The following HTR1F variants were observed in gnomAD, a reference collection of about 807,000 sequenced individuals.
HTR1F encodes the protein 5-hydroxytryptamine receptor 1F.
In HTR1F, 17 loss-of-function variants were observed where a neutral mutation model predicts 24.0. The ratio of observed to expected loss-of-function variants is 0.71; its 90% CI spans 0.48 to 1.06. HTR1F has a LOEUF of 1.06. HTR1F is among the 50% of genes least tolerant of loss of function. The probability of loss-of-function intolerance (pLI) is 0.00; values close to 1 mark genes in which losing one functional copy is unlikely to be tolerated. For synonymous variants in HTR1F, 186 were observed against 156.8 expected (o/e 1.19, Z -1.39); for missense variants, 391 against 427.8 (o/e 0.91, Z 0.76).
At chr3:87,825,197 A>C (rs1487122920) in intron 2 of HTR1F, among the ~76,000 whole-genome samples, 1 of 152,362 alleles carries the variant, frequency 6.6e-6, no homozygotes, top group Non-Finnish European at 1.5e-5. Context: ...CTCTCCCATC[A>C]CAAGAGTAGT....
intron 2 of HTR1F, among the ~76,000 whole-genome samples, chr3:87,982,166 A>G (rs1035316761): frequency 1.6e-4 from 24 of 152,096 alleles, no homozygotes; most frequent in Non-Finnish European, 3.4e-4. Flanking sequence ...CAAGTGATCC[A>G]CCCACCTTGG....
In HTR1F at chr3:87,939,550, A is replaced by T. The variant is rs553599037; in HGVS notation, c.-42-51158A>T. 2.0e-5 allele frequency among the ~76,000 whole-genome samples: 3 copies of T among 152,256 alleles called. No individual in the cohort carries two copies. The South Asian group carries it at 6.2e-4, about 32-fold the overall frequency. ...CTATTAATTACTGCCTCAATTTCAGAACTTGATACTGGTCTGTTCAGGATT... is the reference window on the plus strand; with the variant it reads ...CTATTAATTACTGCCTCAATTTCAGTACTTGATACTGGTCTGTTCAGGATT... On this transcript the variant is annotated intron_variant, in intron 2 of 2. Coordinates refer to ENST00000319595, the MANE Select transcript of HTR1F (RefSeq NM_001322209.2).
intron 2 of HTR1F, among the ~76,000 whole-genome samples, chr3:87,897,395 A>G (rs1174629840): frequency 6.6e-6 from 1 of 152,086 alleles, no homozygotes; most frequent in Non-Finnish European, 1.5e-5. Flanking sequence ...TCCAAAAAAA[A>G]GGTCAAATAT....
At chr3:87,845,665 AATT>A (rs1267787981) in intron 2 of HTR1F, among the ~76,000 whole-genome samples, 1 of 151,690 alleles carries the variant, frequency 6.6e-6, no homozygotes, top group African/African-American at 2.4e-5. Flanking sequence ...TGCCCAAGGT[AATT>A]TACAGATTCA....
At chr3:87,917,061 C>A (rs1703909879) in intron 2 of HTR1F, among the ~76,000 whole-genome samples, 1 of 151,928 alleles carries the variant, frequency 6.6e-6, no homozygotes, top group African/African-American at 2.4e-5. Context: ...CCAAAAGGAA[C>A]CTCCAAAACC....
intron 2 of HTR1F, among the ~76,000 whole-genome samples, chr3:87,895,279 TTAAA>T (rs1331889919): frequency 6.6e-6 from 1 of 152,090 alleles, no homozygotes; most frequent in African/African-American, 2.4e-5. Flanking sequence ...TTTATACAGA[TTAAA>T]TACACATTTA....
chr3:87,985,521 A>G (rs1387225407), intron 2 of HTR1F, among the ~76,000 whole-genome samples: 1 of 152,228 alleles, frequency 6.6e-6, no homozygotes, highest in African/African-American at 2.4e-5. Context: ...TATCTTATCT[A>G]TGAAAAGAAA....
At chr3:87,943,675 G>C (rs1704626333) in intron 2 of HTR1F, among the ~76,000 whole-genome samples, 1 of 152,196 alleles carries the variant, frequency 6.6e-6, no homozygotes, top group South Asian at 2.1e-4. Context: ...GTCTCTTAAT[G>C]AAAAGAAAGT....
chr3:87,931,831 C>A (rs1481750393), intron 2 of HTR1F, among the ~76,000 whole-genome samples: 1 of 149,540 alleles, frequency 6.7e-6, no homozygotes, highest in Non-Finnish European at 1.5e-5. Flanking sequence ...TGTCTTTTGG[C>A]TGCATAAATG....
chr3:87,849,359 AG>A (rs1198244532), intron 2 of HTR1F, among the ~76,000 whole-genome samples: 1 of 151,638 alleles, frequency 6.6e-6, no homozygotes, highest in Non-Finnish European at 1.5e-5. Flanking sequence ...CAATGGGGAA[AG>A]GATTCCCTAT....
intron 2 of HTR1F, among the ~76,000 whole-genome samples, chr3:87,944,789 C>T (rs755427050): frequency 3.6e-4 from 55 of 152,202 alleles, no homozygotes; most frequent in Non-Finnish European, 7.2e-4. Context: ...GTTAGCAAAG[C>T]AGTTGCCACT....
At chr3:87,922,679 C>T (rs1279024353) in intron 2 of HTR1F, among the ~76,000 whole-genome samples, 1 of 151,934 alleles carries the variant, frequency 6.6e-6, no homozygotes, top group Non-Finnish European at 1.5e-5. Flanking sequence ...GTCTTCAATG[C>T]ATTTTGAGTT....
chr3:87,836,477 G>A (rs775566972), intron 2 of HTR1F, among the ~76,000 whole-genome samples: 2 of 152,106 alleles, frequency 1.3e-5, no homozygotes, highest in African/African-American at 4.8e-5. Flanking sequence ...ATATCCATAA[G>A]TGGTTTTTCA....
At chr3:87,805,758 C>T (rs1158917763) in intron 1 of HTR1F, among the ~76,000 whole-genome samples, 2 of 151,866 alleles carry the variant, frequency 1.3e-5, no homozygotes, top group Non-Finnish European at 2.9e-5. Context: ...CACGTTTACC[C>T]GTGTAACAAA....
At chr3:87,888,852 ATTAGCAT>A (rs1247222301) in intron 2 of HTR1F, among the ~76,000 whole-genome samples, 1 of 152,208 alleles carries the variant, frequency 6.6e-6, no homozygotes, top group African/African-American at 2.4e-5. Context: ...CTCAAAAAAT[ATTAGCAT>A]CTGTAATTAC....
At chr3:87,878,527 A>C (rs578041905) in intron 2 of HTR1F, among the ~76,000 whole-genome samples, 1 of 152,316 alleles carries the variant, frequency 6.6e-6, no homozygotes, top group South Asian at 2.1e-4. Flanking sequence ...CTAAAATTGT[A>C]GGATGAGGCA....
rs1365124114 is a variant in HTR1F at position 87,844,141 on chromosome 3, C to T, written c.-43+22017C>T. ...ATGGTTGAACTAGTTTACAGTCCCACCAACAGTGTAAAAGTGTTCTTATTT... is the reference window on the plus strand; with the variant it reads ...ATGGTTGAACTAGTTTACAGTCCCATCAACAGTGTAAAAGTGTTCTTATTT... On this transcript the variant is annotated intron_variant, in intron 2 of 2. Transcript: ENST00000319595. Among the ~76,000 whole-genome samples the T allele has an allele frequency of 1.8e-4, 27 of 151,670 alleles. 1 individual carries two copies. Among genetic ancestry groups the T allele is most frequent in the African/African-American group, 6.6e-4 (27 of 41,028 alleles).
intron 2 of HTR1F, among the ~76,000 whole-genome samples, chr3:87,890,509 C>T (rs1706055294): frequency 6.7e-6 from 1 of 149,600 alleles, no homozygotes. Flanking sequence ...AGTAACTATC[C>T]TCTCCAGAAG....
chr3:87,811,138 A>C (rs1247501669), intron 1 of HTR1F, among the ~76,000 whole-genome samples: 1 of 152,162 alleles, frequency 6.6e-6, no homozygotes, highest in East Asian at 1.9e-4. Flanking sequence ...TATAGGAAAC[A>C]CTTAAAATTA....
Sources: allele counts gnomAD v4.1 joint callset (sites outside exome capture counted in the v4.1 genomes callset), GRCh38; gene constraint gnomAD v4.1.1; transcripts MANE v1.5; gene names NCBI Gene and HGNC (gene_info 2026-07-23, HGNC 2026-07-21).